The following EYS variants were observed in gnomAD, a reference collection of about 807,000 sequenced individuals.
The protein encoded by EYS is protein eyes shut homolog.
EYS carries 250 observed loss-of-function variants against 282.1 expected under a neutral mutation model. The ratio of observed to expected loss-of-function variants is 0.89; its 90% CI spans 0.80 to 0.98. EYS has a LOEUF of 0.98. Ranked by LOEUF, EYS falls within the 50% of genes least tolerant of loss-of-function variation. The pLI, the probability that EYS is intolerant of heterozygous loss-of-function variation, is 0.00. For synonymous variants in EYS, 1,355 were observed against 1,282.9 expected, an observed-to-expected ratio of 1.06 and a Z score of -1.20; for missense variants, 4,016 against 3,709.0, an observed-to-expected ratio of 1.08 and a Z score of -2.15.
intron 14 of EYS, among the ~76,000 whole-genome samples, chr6:64,950,008 A>G (rs1284580402): frequency 3.3e-5 from 5 of 151,976 alleles, no homozygotes; most frequent in African/African-American, 1.2e-4. Flanking sequence ...AAGTACCACG[A>G]TTGGCTCAAA....
chr6:65,245,551 A>G (rs1438781715), intron 12 of EYS, among the ~76,000 whole-genome samples: 1 of 151,918 alleles, frequency 6.6e-6, no homozygotes, highest in African/African-American at 2.4e-5. Context: ...TTCTCATATC[A>G]AGGCCTTTAT....
chr6:65,596,583 T>C (rs1765410001), intron 2 of EYS, among the ~76,000 whole-genome samples: 1 of 151,952 alleles, frequency 6.6e-6, no homozygotes, highest in African/African-American at 2.4e-5. Context: ...TCATGTACAG[T>C]GAGGCTTCTG....
At chr6:65,188,023 T>A (rs1201343405) in intron 12 of EYS, among the ~76,000 whole-genome samples, 1 of 151,708 alleles carries the variant, frequency 6.6e-6, no homozygotes, top group Admixed American at 6.6e-5. Context: ...TAAACTTTCA[T>A]GTAAAATTAT....
At chr6:65,019,912 A>C (rs977207019) in intron 13 of EYS, among the ~76,000 whole-genome samples, 5 of 152,180 alleles carry the variant, frequency 3.3e-5, no homozygotes, top group African/African-American at 4.8e-5. Flanking sequence ...GGCAGCAAGA[A>C]GTGCCGAGCA....
At chr6:65,008,628 C>T (rs1353349662) in intron 13 of EYS, among the ~76,000 whole-genome samples, 2 of 152,186 alleles carry the variant, frequency 1.3e-5, no homozygotes, top group African/African-American at 4.8e-5. Flanking sequence ...AAGCTGCCCC[C>T]TTGTCCATAC....
At chr6:64,384,359 G>A (rs1332357005) in intron 29 of EYS, among the ~76,000 whole-genome samples, 1 of 151,902 alleles carries the variant, frequency 6.6e-6, no homozygotes, top group Non-Finnish European at 1.5e-5. Context: ...TTTGGAGTCG[G>A]TCACTAATTC....
At chr6:63,951,725 T>C (rs1483772152) in intron 35 of EYS, among the ~76,000 whole-genome samples, 1 of 152,064 alleles carries the variant, frequency 6.6e-6, no homozygotes, top group Non-Finnish European at 1.5e-5. Flanking sequence ...AACAATTTCA[T>C]CTTAAAGAGG....
intron 5 of EYS, among the ~76,000 whole-genome samples, chr6:65,476,790 T>A (rs776379519): frequency 6.6e-6 from 1 of 152,108 alleles, no homozygotes; most frequent in African/African-American, 2.4e-5. Context: ...TTGGCCAGGA[T>A]GGTCTCAATC....
intron 26 of EYS, among the ~76,000 whole-genome samples, chr6:64,455,882 G>A (rs1043199673): frequency 2.0e-5 from 3 of 151,892 alleles, no homozygotes; most frequent in East Asian, 1.9e-4. Context: ...CATTAATTAC[G>A]TTTGTTCACT....
chr6:64,653,246 C>T (rs547485854), intron 22 of EYS, among the ~76,000 whole-genome samples: 93 of 152,164 alleles, frequency 6.1e-4, no homozygotes, highest in African/African-American at 2.1e-3. Flanking sequence ...CCTTACAGTT[C>T]CCAGCAAAAA....
At chr6:65,216,548 T>C (rs911323033) in intron 12 of EYS, among the ~76,000 whole-genome samples, 1 of 151,910 alleles carries the variant, frequency 6.6e-6, no homozygotes, top group Non-Finnish European at 1.5e-5. Flanking sequence ...AAGCACTAGT[T>C]TGCTATTGTG....
chr6:65,166,219 A>G (rs1188556725), intron 12 of EYS, among the ~76,000 whole-genome samples: 3 of 151,088 alleles, frequency 2.0e-5, no homozygotes, highest in Non-Finnish European at 4.5e-5. Flanking sequence ...TTTTTTTTAG[A>G]CATTAACAAG....
At chr6:65,450,513 C>A (rs1461622379) in intron 5 of EYS, among the ~76,000 whole-genome samples, 1 of 152,028 alleles carries the variant, frequency 6.6e-6, no homozygotes, top group Non-Finnish European at 1.5e-5. Context: ...CATATGGTGA[C>A]CAGAAACTTA....
intron 22 of EYS, among the ~76,000 whole-genome samples, chr6:64,770,667 A>G (rs1773498719): frequency 6.6e-6 from 1 of 151,956 alleles, no homozygotes; most frequent in African/African-American, 2.4e-5. Flanking sequence ...GGTATGCAAC[A>G]TCACTATCAC....
Position 65,096,638 on chromosome 6 carries a change from A to G in EYS, c.2024-38911T>C, listed in dbSNP as rs149959869. ...TAATTTTTGGTAGTGTTGTGTTAGCATAAAAATAGACATATAGAGTAATCA... is the reference window on the plus strand; with the variant it reads ...TAATTTTTGGTAGTGTTGTGTTAGCGTAAAAATAGACATATAGAGTAATCA... On this transcript the variant is annotated intron_variant, in intron 12 of 42. Transcript: ENST00000503581. 6.9e-3 allele frequency among the ~76,000 whole-genome samples: 1,049 copies of G among 151,188 alleles called. 9 individuals carry two copies. The highest frequency in any genetic ancestry group is 8.9e-3 in the Non-Finnish European group (600 of 67,230).
chr6:64,958,328 G>A (rs1438518623), intron 14 of EYS, among the ~76,000 whole-genome samples: 1 of 152,110 alleles, frequency 6.6e-6, no homozygotes, highest in Non-Finnish European at 1.5e-5. Context: ...GTTGCAGTGA[G>A]CGAAAATCGC....
At chr6:63,971,166 C>T (rs918312922) in intron 35 of EYS, among the ~76,000 whole-genome samples, 1 of 152,152 alleles carries the variant, frequency 6.6e-6, no homozygotes, top group Non-Finnish European at 1.5e-5. Flanking sequence ...TAGTCAAGCC[C>T]AGCAATGGAG....
At chr6:65,297,280 A>G (rs1385931741) in intron 11 of EYS, among the ~76,000 whole-genome samples, 1 of 151,924 alleles carries the variant, frequency 6.6e-6, no homozygotes, top group African/African-American at 2.4e-5. Flanking sequence ...TAGCATATAA[A>G]TATGTCAATG....
intron 1 of EYS, among the ~76,000 whole-genome samples, chr6:65,674,765 G>C (rs1378877520): frequency 1.3e-5 from 2 of 151,722 alleles, no homozygotes; most frequent in African/African-American, 2.4e-5. Context: ...AAGAATGCTA[G>C]ATAGCAACAA....
Sources: allele counts gnomAD v4.1 joint callset (sites outside exome capture counted in the v4.1 genomes callset), GRCh38; gene constraint gnomAD v4.1.1; transcripts MANE v1.5; gene names NCBI Gene and HGNC (gene_info 2026-07-23, HGNC 2026-07-21).